The following SYNPR variants were observed in gnomAD, a reference collection of about 807,000 sequenced individuals.
SYNPR encodes synaptoporin.
A neutral mutation model predicts 32.9 loss-of-function variants in SYNPR; 23 were observed. The observed-to-expected ratio is 0.70, with a 90% CI of 0.50 to 0.99. SYNPR has a LOEUF of 0.99. Ranked by LOEUF, SYNPR falls within the 50% of genes least tolerant of loss-of-function variation. The pLI is 0.00. For synonymous variants in SYNPR, 146 were observed against 135.9 expected, an observed-to-expected ratio of 1.07 and a Z score of -0.52; for missense variants, 318 against 349.3, an observed-to-expected ratio of 0.91 and a Z score of 0.71.
chr3:63,459,857 GC>G (rs542206098), intron 2 of SYNPR, among the ~76,000 whole-genome samples: 159 of 152,072 alleles, frequency 1.0e-3, no homozygotes, highest in Non-Finnish European at 2.0e-3. Context: ...GGAAAATGCT[GC>G]CATCCGTCAT....
At chr3:63,430,285 G>A (rs995215345) in intron 2 of SYNPR, among the ~76,000 whole-genome samples, 10 of 151,728 alleles carry the variant, frequency 6.6e-5, no homozygotes, top group African/African-American at 1.7e-4. Context: ...GCATTAACAC[G>A]TCTTTACATT....
At chr3:63,319,413 A>G (rs1597626) in intron 2 of SYNPR, among the ~76,000 whole-genome samples, 46,878 of 151,886 alleles carry the variant, frequency 0.31, 7,997 homozygotes, top group Non-Finnish European at 0.39. Flanking sequence ...CTGTGTCTTC[A>G]GTAAAGTTGC....
intron 2 of SYNPR, among the ~76,000 whole-genome samples, chr3:63,306,399 CATT>C (rs2086911324): frequency 6.6e-6 from 1 of 151,910 alleles, no homozygotes; most frequent in Admixed American, 6.6e-5. Flanking sequence ...AAGAGGCTGT[CATT>C]ATAAATAGGA....
At chr3:63,372,054 C>T (rs903600906) in intron 2 of SYNPR, among the ~76,000 whole-genome samples, 6 of 152,230 alleles carry the variant, frequency 3.9e-5, no homozygotes, top group African/African-American at 1.4e-4. Flanking sequence ...CCATGCATGG[C>T]TGAGTATATC....
intron 4 of SYNPR, among the ~76,000 whole-genome samples, chr3:63,586,895 T>C (rs1703194510): frequency 6.6e-6 from 1 of 151,920 alleles, no homozygotes. Context: ...CCTGCATGTC[T>C]TTACACTGTC....
chr3:63,472,837 A>C (rs1279338502), intron 2 of SYNPR, among the ~76,000 whole-genome samples: 1 of 152,094 alleles, frequency 6.6e-6, no homozygotes, highest in Non-Finnish European at 1.5e-5. Context: ...TCACATTGAC[A>C]AACTATTTCT....
chr3:63,432,370 G>T (rs1222161196), intron 2 of SYNPR, among the ~76,000 whole-genome samples: 1 of 152,150 alleles, frequency 6.6e-6, no homozygotes, highest in Non-Finnish European at 1.5e-5. Context: ...CAGCAGTGTT[G>T]ATGAACTGAC....
chr3:63,606,394 T>C (rs984973362), intron 4 of SYNPR, among the ~76,000 whole-genome samples: 4 of 147,814 alleles, frequency 2.7e-5, no homozygotes, highest in Non-Finnish European at 6.0e-5. Context: ...TATATTTAAA[T>C]TAAGCAGGAC....
intron 2 of SYNPR, among the ~76,000 whole-genome samples, chr3:63,350,518 T>TGTGTAGTGTGTGTGTGC (rs1002998174): frequency 6.6e-6 from 1 of 152,218 alleles, no homozygotes; most frequent in African/African-American, 2.4e-5. Flanking sequence ...TGTGTATGTG[T>TGTGTAGTGTGTGTGTGC]GTGTAGTGTG....
At chr3:63,445,160 T>C (rs902981532) in intron 2 of SYNPR, among the ~76,000 whole-genome samples, 1 of 152,170 alleles carries the variant, frequency 6.6e-6, no homozygotes, top group Non-Finnish European at 1.5e-5. Flanking sequence ...TGTGAAGTCA[T>C]TTGCTATAGA....
chr3:63,248,242 G>A (rs981207312), intron 1 of SYNPR, among the ~76,000 whole-genome samples: 2 of 152,106 alleles, frequency 1.3e-5, no homozygotes, highest in African/African-American at 4.8e-5. Context: ...CTTTGGGCAA[G>A]TTTTTTTAAC....
intron 2 of SYNPR, among the ~76,000 whole-genome samples, chr3:63,417,198 A>G (rs947168190): frequency 5.3e-5 from 8 of 152,240 alleles, no homozygotes; most frequent in African/African-American, 1.9e-4. Context: ...TGGCCCAAAG[A>G]AAGGGGCCAG....
At chr3:63,375,839 A>C (rs920512693) in intron 2 of SYNPR, among the ~76,000 whole-genome samples, 1 of 152,182 alleles carries the variant, frequency 6.6e-6, no homozygotes, top group African/African-American at 2.4e-5. Context: ...TTTAAACTCC[A>C]GTTATGAGTG....
chr3:63,579,369 CCTT>C (rs2106858292), intron 4 of SYNPR, among the ~76,000 whole-genome samples: 1 of 152,202 alleles, frequency 6.6e-6, no homozygotes, highest in African/African-American at 2.4e-5. Context: ...GCAAAACCCA[CCTT>C]CTCAATAAAG....
intron 4 of SYNPR, among the ~76,000 whole-genome samples, chr3:63,578,540 C>A (rs2106856950): frequency 6.6e-6 from 1 of 152,160 alleles, no homozygotes; most frequent in African/African-American, 2.4e-5. Flanking sequence ...GAAGCTATGA[C>A]TTCAAGACTC....
At chr3:63,578,285 A>G (rs1448316216) in intron 4 of SYNPR, among the ~76,000 whole-genome samples, 5 of 152,126 alleles carry the variant, frequency 3.3e-5, no homozygotes, top group African/African-American at 1.2e-4. Flanking sequence ...CTCACTTGAA[A>G]TAGGTAGGGA....
At chr3:63,252,460 A>C (rs2086340847) in intron 1 of SYNPR, 1 of 152,202 alleles carries the variant, frequency 6.6e-6, no homozygotes. Flanking sequence ...CTGTAGCATA[A>C]ATCTGCCAGA....
intron 2 of SYNPR, among the ~76,000 whole-genome samples, chr3:63,452,489 G>C (rs948801196): frequency 2.0e-5 from 3 of 152,158 alleles, no homozygotes; most frequent in African/African-American, 4.8e-5. Context: ...GAAGGGCATA[G>C]ACTCCATTAG....
the SYNPR span, among the ~76,000 whole-genome samples, chr3:63,220,743 T>C: frequency 1.1e-4 from 16 of 152,306 alleles, no homozygotes; most frequent in Non-Finnish European, 2.2e-4. Context: ...GCACCAGCTG[T>C]CCACCCTCTT....
Sources: allele counts gnomAD v4.1 joint callset (sites outside exome capture counted in the v4.1 genomes callset), GRCh38; gene constraint gnomAD v4.1.1; transcripts MANE v1.5; gene names NCBI Gene and HGNC (gene_info 2026-07-23, HGNC 2026-07-21).